USH2A: variants seen among roughly 807,000 people sequenced by gnomAD.
The protein encoded by USH2A is usherin.
A neutral mutation model predicts 538.9 loss-of-function variants in USH2A; 443 were observed. That is an observed-to-expected ratio of 0.82 (90% CI 0.76 to 0.89). The LOEUF (loss-of-function observed/expected upper bound fraction) is 0.89. Ranked by LOEUF, USH2A falls within the 40% of genes least tolerant of loss-of-function variation. USH2A has a pLI of 0.00. For missense variants in USH2A, 6,633 were observed against 6,324.8 expected, an observed-to-expected ratio of 1.05 and a Z score of -1.65; for synonymous variants, 2,413 against 2,273.5, an observed-to-expected ratio of 1.06 and a Z score of -1.75.
chr1:216,325,732 T>C (rs1571704325), intron 5 of USH2A, 133 bp from the exon 6 acceptor site: 2 of 855,450 alleles, frequency 2.3e-6, no homozygotes, highest in South Asian at 2.1e-5. Flanking sequence ...ATTTGATGCA[T>C]GAAACATAAA....
chr1:215,810,016 C>G (rs913238458), intron 49 of USH2A, among the ~76,000 whole-genome samples: 2 of 152,056 alleles, frequency 1.3e-5, no homozygotes, highest in South Asian at 2.1e-4. Context: ...CATTTAGGTA[C>G]AGTGGGATTA....
chr1:215,788,180 C>A (rs750662955), intron 51 of USH2A, among the ~76,000 whole-genome samples: 1 of 152,050 alleles, frequency 6.6e-6, no homozygotes, highest in Non-Finnish European at 1.5e-5. Context: ...ACAGTGCATA[C>A]CTTTTTGGAA....
chr1:216,268,112 T>C (rs2036509833), intron 11 of USH2A, among the ~76,000 whole-genome samples: 1 of 152,076 alleles, frequency 6.6e-6, no homozygotes, highest in Non-Finnish European at 1.5e-5. Context: ...GTAAGTGACT[T>C]AGCCTGAATT....
At position 215,693,749 on chromosome 1, in the gene USH2A, T is replaced by C. The variant is rs115677918; in HGVS notation, c.12067-13373A>G. On this transcript the variant is annotated intron_variant, in intron 61 of 71. Transcript: ENST00000307340. ...TCATGGAGCCTCTGGAAAACTCCAC[T>C]GTAGTGTACCCTCATGAAGGGGATG... Among the ~76,000 whole-genome samples, 770 of 152,304 alleles carry C rather than the reference T, an allele frequency of 5.1e-3. 6 individuals carry two copies. Among genetic ancestry groups the C allele is most frequent in the African/African-American group, 0.018 (732 of 41,562 alleles).
intron 50 of USH2A, among the ~76,000 whole-genome samples, chr1:215,792,578 C>T (rs557330865): frequency 4.9e-4 from 74 of 152,180 alleles, no homozygotes; most frequent in Non-Finnish European, 7.5e-4. Context: ...AGACTGCATC[C>T]ATCACTGCAA....
intron 61 of USH2A, among the ~76,000 whole-genome samples, chr1:215,722,928 G>GA (rs2102708653): frequency 1.3e-5 from 2 of 152,282 alleles, no homozygotes; most frequent in East Asian, 1.9e-4. Context: ...ATGCCAGTGA[G>GA]AAAAAGCAAA....
chr1:216,321,878 C>G lies in USH2A; in HGVS notation c.1644+5G>C, dbSNP rs1558036810. 6.2e-7 allele frequency: 1 copy of G among 1,612,688 alleles called. No individual in the cohort carries two copies. The highest frequency in any genetic ancestry group is 1.7e-5 in the Admixed American group (1 of 59,984). ...TTAGATTTCCATGCATAAAATAGAA[C>G]TCACATGAAGTCCTTCAGTGAAGCT... On this transcript the variant is annotated splice_donor_5th_base_variant and intron_variant, in intron 9 of 71. Coordinates refer to ENST00000307340, the MANE Select transcript of USH2A (RefSeq NM_206933.4).
At chr1:215,910,408 C>G (rs1394771449) in intron 38 of USH2A, among the ~76,000 whole-genome samples, 1 of 151,914 alleles carries the variant, frequency 6.6e-6, no homozygotes, top group African/African-American at 2.4e-5. Context: ...ACTTACTGAG[C>G]AAGTACCAAA....
intron 50 of USH2A, among the ~76,000 whole-genome samples, chr1:215,797,393 G>T (rs2102777088): frequency 6.6e-6 from 1 of 152,320 alleles, no homozygotes; most frequent in Non-Finnish European, 1.5e-5. Context: ...GATCTTCATT[G>T]TAGATGAAAT....
In USH2A at chr1:216,392,648, TA is replaced by T. The variant is rs563205377; in HGVS notation, c.651+25865del. The stretch of plus-strand genomic sequence containing the variant: ...GAAGGTACATGAAAATAAACTGTGA[TA>T]CAATGCTGTTTTTTTAAAAAAAAGT... On this transcript the variant is annotated intron_variant, in intron 3 of 71. Coordinates refer to ENST00000307340, the MANE Select transcript of USH2A (RefSeq NM_206933.4). Among the ~76,000 whole-genome samples the T allele has an allele frequency of 6.8e-4, 104 of 152,176 alleles. 1 individual carries two copies. Among genetic ancestry groups the T allele is most frequent in the African/African-American group, 2.4e-3 (98 of 41,512 alleles).
chr1:216,095,832 G>C (rs1188697591), intron 22 of USH2A, among the ~76,000 whole-genome samples: 1 of 152,128 alleles, frequency 6.6e-6, no homozygotes, highest in Non-Finnish European at 1.5e-5. Context: ...GGGTTCATGA[G>C]GCTGAGATCC....
chr1:216,280,293 T>C (rs1434280534), intron 11 of USH2A, among the ~76,000 whole-genome samples: 1 of 152,094 alleles, frequency 6.6e-6, no homozygotes. Flanking sequence ...GTTCATAAGA[T>C]AGACTTCTTT....
At chr1:216,085,231 T>A (rs1296942255) in intron 24 of USH2A, 1 of 270,120 alleles carries the variant, frequency 3.7e-6, no homozygotes, top group Non-Finnish European at 7.2e-6. Flanking sequence ...AAGGGAGTGT[T>A]TCTATTTAAT....
chr1:216,039,074 G>T (rs939382786), intron 32 of USH2A, among the ~76,000 whole-genome samples: 1 of 151,968 alleles, frequency 6.6e-6, no homozygotes, highest in African/African-American at 2.4e-5. Flanking sequence ...ATGGAAGAAC[G>T]ACACTTAGGT....
chr1:216,272,697 G>A (rs1004450213), intron 11 of USH2A, among the ~76,000 whole-genome samples: 1 of 152,102 alleles, frequency 6.6e-6, no homozygotes, highest in Admixed American at 6.6e-5. Flanking sequence ...GCTGGTGCTG[G>A]GGTGGGCAGA....
At chr1:215,669,844 G>A (rs1004040029) in intron 64 of USH2A, among the ~76,000 whole-genome samples, 1 of 152,146 alleles carries the variant, frequency 6.6e-6, no homozygotes, top group Non-Finnish European at 1.5e-5. Context: ...AATGTTCCCT[G>A]TATTCACTGT....
intron 9 of USH2A, among the ~76,000 whole-genome samples, chr1:216,302,219 G>T (rs1413013370): frequency 1.3e-5 from 2 of 152,188 alleles, no homozygotes; most frequent in Non-Finnish European, 2.9e-5. Context: ...CACATGGGAG[G>T]TGATCATATA....
At chr1:216,343,371 CA>C (rs1206103461) in intron 4 of USH2A, among the ~76,000 whole-genome samples, 3,233 of 87,598 alleles carry the variant, frequency 0.037, 71 homozygotes, top group African/African-American at 0.082. Flanking sequence ...ACCATCTCTA[CA>C]AAAAAAAAAA....
intron 3 of USH2A, among the ~76,000 whole-genome samples, chr1:216,377,866 A>AGAAAGAAAGAAAGAAG (rs1449698887): frequency 7.1e-6 from 1 of 141,800 alleles, no homozygotes; most frequent in African/African-American, 2.7e-5. Context: ...AAAGAAAGAA[A>AGAAAGAAAGAAAGAAG]GAAGGAAAGA....
Sources: allele counts gnomAD v4.1 joint callset (sites outside exome capture counted in the v4.1 genomes callset), GRCh38; gene constraint gnomAD v4.1.1; transcripts MANE v1.5; gene names NCBI Gene and HGNC (gene_info 2026-07-23, HGNC 2026-07-21).